Variants in UBE2E2 observed in about 807,000 individuals in gnomAD.
The protein encoded by UBE2E2 is ubiquitin-conjugating enzyme E2 E2.
A neutral mutation model predicts 24.7 loss-of-function variants in UBE2E2; 6 were observed. That is an observed-to-expected ratio of 0.24 (90% CI 0.13 to 0.48). UBE2E2 has a LOEUF of 0.48. Ranked by LOEUF, UBE2E2 falls within the 20% of genes least tolerant of loss-of-function variation. The probability of loss-of-function intolerance (pLI) is 0.99; values close to 1 mark genes in which losing one functional copy is unlikely to be tolerated. For synonymous variants in UBE2E2, 104 were observed against 83.6 expected, an observed-to-expected ratio of 1.24 and a Z score of -1.33; for missense variants, 169 against 245.0, an observed-to-expected ratio of 0.69 and a Z score of 2.07.
At chr3:23,265,667 C>G (rs1458941073) in intron 3 of UBE2E2, among the ~76,000 whole-genome samples, 1 of 152,176 alleles carries the variant, frequency 6.6e-6, no homozygotes, top group South Asian at 2.1e-4. Context: ...AAGGATTTCT[C>G]TCTCACATAG....
At chr3:23,483,015 T>C (rs1479733387) in intron 3 of UBE2E2, among the ~76,000 whole-genome samples, 1 of 152,254 alleles carries the variant, frequency 6.6e-6, no homozygotes, top group Non-Finnish European at 1.5e-5. Context: ...AACTCTAATC[T>C]GTACTTTTAT....
chr3:23,307,394 A>G (rs1174967706), intron 3 of UBE2E2, among the ~76,000 whole-genome samples: 2 of 152,118 alleles, frequency 1.3e-5, no homozygotes. Context: ...TTGCTTATTT[A>G]TATACTGTCC....
At chr3:23,515,432 A>G (rs1694711135) in intron 4 of UBE2E2, among the ~76,000 whole-genome samples, 1 of 152,158 alleles carries the variant, frequency 6.6e-6, no homozygotes, top group East Asian at 1.9e-4. Flanking sequence ...ATGATGGATG[A>G]TAGAATTTCA....
chr3:23,234,363 C>A (rs1371920905), intron 3 of UBE2E2, among the ~76,000 whole-genome samples: 4 of 152,108 alleles, frequency 2.6e-5, no homozygotes, highest in African/African-American at 7.2e-5. Flanking sequence ...TTGAGCAGAT[C>A]TTTAGTTTTC....
intron 3 of UBE2E2, among the ~76,000 whole-genome samples, chr3:23,301,140 C>T (rs1699071255): frequency 1.3e-5 from 2 of 152,184 alleles, no homozygotes; most frequent in African/African-American, 4.8e-5. Context: ...TCCATCAGGT[C>T]CTTTAAGGAC....
intron 3 of UBE2E2, among the ~76,000 whole-genome samples, chr3:23,497,969 T>C (rs1473825416): frequency 6.6e-6 from 1 of 152,244 alleles, no homozygotes; most frequent in Non-Finnish European, 1.5e-5. Context: ...CAGGCATTGA[T>C]TTTTGCATTT....
At chr3:23,360,950 A>G (rs191488420) in intron 3 of UBE2E2, among the ~76,000 whole-genome samples, 1 of 152,270 alleles carries the variant, frequency 6.6e-6, no homozygotes, top group Admixed American at 6.5e-5. Context: ...AAGGACTAAA[A>G]TCCAGAATCC....
At chr3:23,377,841 T>C (rs1696559171) in intron 3 of UBE2E2, among the ~76,000 whole-genome samples, 1 of 152,214 alleles carries the variant, frequency 6.6e-6, no homozygotes, top group South Asian at 2.1e-4. Flanking sequence ...TGTTTTTTAA[T>C]CTTGATATTT....
intron 4 of UBE2E2, among the ~76,000 whole-genome samples, chr3:23,529,053 T>C (rs1559412585): frequency 6.6e-6 from 1 of 152,210 alleles, no homozygotes; most frequent in Non-Finnish European, 1.5e-5. Context: ...TTCAATTGGT[T>C]ACCTACTATA....
At chr3:23,550,818 T>C (rs949935451) in intron 5 of UBE2E2, among the ~76,000 whole-genome samples, 1 of 152,008 alleles carries the variant, frequency 6.6e-6, no homozygotes, top group African/African-American at 2.4e-5. Flanking sequence ...GAGACAGAGA[T>C]AGGAGTTTGG....
At chr3:23,479,241 C>A (rs1314552835) in intron 3 of UBE2E2, among the ~76,000 whole-genome samples, 4 of 152,172 alleles carry the variant, frequency 2.6e-5, no homozygotes, top group African/African-American at 9.7e-5. Context: ...TGTGAGCAAA[C>A]AATCATGGAA....
intron 3 of UBE2E2, among the ~76,000 whole-genome samples, chr3:23,225,989 C>T (rs1400847590): frequency 6.6e-6 from 1 of 152,082 alleles, no homozygotes; most frequent in East Asian, 1.9e-4. Context: ...AAGCAATTCT[C>T]TTGCCTGAGC....
intron 3 of UBE2E2, among the ~76,000 whole-genome samples, chr3:23,291,849 ATTTT>A (rs57708620): frequency 0.033 from 2,079 of 63,950 alleles, 26 homozygotes; most frequent in East Asian, 0.15. Flanking sequence ...TGCCCGGCTA[ATTTT>A]TTTTTTTTTT....
intron 3 of UBE2E2, among the ~76,000 whole-genome samples, chr3:23,365,840 T>TC (rs935226529): frequency 6.6e-6 from 1 of 152,142 alleles, no homozygotes; most frequent in Non-Finnish European, 1.5e-5. Context: ...GTTGGAGGCA[T>TC]CACATTACCC....
chr3:23,278,133 A>C (rs1698410083), intron 3 of UBE2E2, among the ~76,000 whole-genome samples: 1 of 152,126 alleles, frequency 6.6e-6, no homozygotes. Context: ...GGGAAAAGAG[A>C]ATAACTGCTT....
At chr3:23,268,796 C>G (rs1483893977) in intron 3 of UBE2E2, among the ~76,000 whole-genome samples, 1 of 150,716 alleles carries the variant, frequency 6.6e-6, no homozygotes, top group Non-Finnish European at 1.5e-5. Context: ...TACCTGACTT[C>G]AAACTATACT....
chr3:23,543,374 A>T, intron 5 of UBE2E2, among the ~76,000 whole-genome samples: 1 of 152,142 alleles, frequency 6.6e-6, no homozygotes, highest in Non-Finnish European at 1.5e-5. Context: ...TCAGGTTACA[A>T]AATCAGTGTA....
intron 3 of UBE2E2, among the ~76,000 whole-genome samples, chr3:23,370,755 A>G (rs75072886): frequency 0.014 from 2,171 of 152,256 alleles, 40 homozygotes; most frequent in African/African-American, 0.049. Flanking sequence ...TTTGAATAGA[A>G]AAAGAGAGGA....
intron 3 of UBE2E2, among the ~76,000 whole-genome samples, chr3:23,429,763 A>T (rs1698012049): frequency 6.6e-6 from 1 of 152,256 alleles, no homozygotes; most frequent in Admixed American, 6.5e-5. Context: ...CCATTTATGT[A>T]GAAAACCGAA....
Sources: gnomAD v4.1 joint callset for allele counts (sites outside exome capture counted in the v4.1 genomes callset) on GRCh38, gnomAD v4.1.1 for gene constraint, MANE v1.5 for transcripts, NCBI Gene and HGNC (gene_info 2026-07-23, HGNC 2026-07-21) for gene names.